The following PI4K2A variants were observed in gnomAD, a reference collection of about 807,000 sequenced individuals.
PI4K2A encodes the protein phosphatidylinositol 4-kinase type 2-alpha.
In PI4K2A, 20 loss-of-function variants were observed where a neutral mutation model predicts 55.0. The ratio of observed to expected loss-of-function variants is 0.36; its 90% CI spans 0.26 to 0.53. The LOEUF is 0.53. Among genes scored for constraint, PI4K2A ranks in the 20% least tolerant of loss-of-function variants. The pLI, the probability that PI4K2A is intolerant of heterozygous loss-of-function variation, is 0.91. For synonymous variants in PI4K2A, 235 were observed against 258.5 expected (o/e 0.91, Z 0.87); for missense variants, 463 against 637.1 (o/e 0.73, Z 2.94).
At chr10:97,670,964 C>G in intron 8 of PI4K2A, among the ~76,000 whole-genome samples, 1 of 152,022 alleles carries the variant, frequency 6.6e-6, no homozygotes, top group Admixed American at 6.5e-5. Flanking sequence ...ATGGAGAAAC[C>G]CCATCTCTAC....
chr10:97,650,436 C>T (rs536491251), intron 1 of PI4K2A, among the ~76,000 whole-genome samples: 11 of 152,110 alleles, frequency 7.2e-5, no homozygotes, highest in African/African-American at 2.7e-4. Flanking sequence ...TGTGCACCAC[C>T]GCGCCCAGCT....
chr10:97,643,471 A>G (rs777014761), intron 1 of PI4K2A, among the ~76,000 whole-genome samples: 15 of 152,296 alleles, frequency 9.8e-5, no homozygotes, highest in African/African-American at 3.4e-4. Flanking sequence ...AGATGGAAGT[A>G]ATACGATCTC....
intron 1 of PI4K2A, among the ~76,000 whole-genome samples, chr10:97,649,504 CA>C (rs1429566410): frequency 6.6e-6 from 1 of 151,212 alleles, no homozygotes. Context: ...AACCAAGTAG[CA>C]GAGTCTTTTT....
At chr10:97,661,753 C>T (rs956832679) in intron 4 of PI4K2A, among the ~76,000 whole-genome samples, 3 of 151,814 alleles carry the variant, frequency 2.0e-5, no homozygotes, top group Non-Finnish European at 2.9e-5. Flanking sequence ...GATATTTGCC[C>T]TATAGAAGTT....
intron 8 of PI4K2A, among the ~76,000 whole-genome samples, chr10:97,670,764 CTG>C (rs1323508096): frequency 3.3e-5 from 5 of 152,218 alleles, no homozygotes; most frequent in South Asian, 2.1e-4. Flanking sequence ...GGCTGTGTGT[CTG>C]TGTGATTTCA....
chr10:97,645,059 C>G (rs1182249189), intron 1 of PI4K2A, among the ~76,000 whole-genome samples: 1 of 152,140 alleles, frequency 6.6e-6, no homozygotes, highest in Non-Finnish European at 1.5e-5. Flanking sequence ...TGCTTCAGGT[C>G]TCATGCTCAC....
chr10:97,648,710 C>T (rs1021268976), intron 1 of PI4K2A, among the ~76,000 whole-genome samples: 4 of 152,064 alleles, frequency 2.6e-5, no homozygotes, highest in South Asian at 2.1e-4. Context: ...GTCCAGGGTC[C>T]GGAGGGTTAC....
intron 4 of PI4K2A, 110 bp from the exon 5 acceptor site, chr10:97,662,797 G>A (rs2041592027): frequency 1.3e-6 from 1 of 756,510 alleles, no homozygotes; most frequent in Non-Finnish European, 2.4e-6. Context: ...AGCATTTGTA[G>A]TCATTCTCAG....
At chr10:97,651,218 G>A in intron 2 of PI4K2A, 77 bp downstream of exon 2, 1 of 1,114,236 alleles carries the variant, frequency 9.0e-7, no homozygotes. Flanking sequence ...ACATGTTAGT[G>A]GGACCTTGGG....
chr10:97,659,899 C>G (rs1370094421), intron 4 of PI4K2A, among the ~76,000 whole-genome samples: 1 of 152,024 alleles, frequency 6.6e-6, no homozygotes, highest in Non-Finnish European at 1.5e-5. Flanking sequence ...AGACAGATTT[C>G]TGTTGTTTCC....
rs2041601887 is a variant in PI4K2A, at chr10:97,664,756, A to G, written c.985-129A>G. ...GATAACAACATGGAAGCCAGTTCAG[A>G]GAGTAGCTCAAGATAAGTTCAATAA... is the stretch of plus-strand genomic sequence containing the variant. On this transcript the variant is annotated intron_variant, in intron 5 of 8. Coordinates refer to ENST00000370631, the Ensembl canonical transcript of PI4K2A. 2.5e-5 allele frequency: 16 copies of G among 635,388 alleles called. No homozygotes were observed. In the South Asian group the frequency reaches 3.0e-4, roughly 12 times the overall value. The allele number at this position is 635,388 out of a possible 1,614,324, so 39.4% of individuals were successfully genotyped here.
intron 1 of PI4K2A, 68 bp from the exon 2 acceptor site, chr10:97,650,873 C>A (rs1589933105): frequency 1.8e-6 from 2 of 1,135,978 alleles, no homozygotes; most frequent in East Asian, 2.4e-5. Context: ...CAGATTCCTG[C>A]TGACTTGGTC....
intron 2 of PI4K2A, among the ~76,000 whole-genome samples, chr10:97,653,111 C>A (rs2041537263): frequency 6.6e-6 from 1 of 152,206 alleles, no homozygotes; most frequent in African/African-American, 2.4e-5. Flanking sequence ...TGAAATGCTT[C>A]TACTAGGCTC....
chr10:97,657,027 G>A (rs939357138), intron 4 of PI4K2A, 53 bp downstream of exon 4: 10 of 1,593,532 alleles, frequency 6.3e-6, no homozygotes, highest in Middle Eastern at 1.7e-4. Context: ...TTGAGGCATG[G>A]GGAGGCCTGG....
chr10:97,649,342 C>A (rs186888921), intron 1 of PI4K2A, among the ~76,000 whole-genome samples: 1 of 152,296 alleles, frequency 6.6e-6, no homozygotes, highest in East Asian at 1.9e-4. Context: ...AGAAAACACT[C>A]AGGAGGGAGG....
chr10:97,642,865 T>TC (rs1554878118), intron 1 of PI4K2A, among the ~76,000 whole-genome samples: 2 of 53,696 alleles, frequency 3.7e-5, no homozygotes, highest in African/African-American at 1.3e-4. Context: ...CTTTCTTTCT[T>TC]TTTCTTTCTT....
exon 1 of PI4K2A, chr10:97,641,151 A>G (rs2041466305): frequency 6.2e-7 from 1 of 1,606,394 alleles, no homozygotes; most frequent in South Asian, 1.1e-5. Context: ...CTCCAGCGGA[A>G]GCTACTTCGT....
exon 1 of PI4K2A, chr10:97,640,911 G>C: frequency 7.6e-7 from 1 of 1,310,008 alleles, no homozygotes; most frequent in Non-Finnish European, 9.7e-7. Context: ...CCACGACCGC[G>C]AGCGGCAGCC....
Position 97,650,871 on chromosome 10 carries a change from T to C in PI4K2A, c.436-70T>C, listed in dbSNP as rs1564773894. 18 of 1,130,628 alleles carry C rather than the reference T, an allele frequency of 1.6e-5. No individual in the cohort carries two copies. In the East Asian group the frequency reaches 4.2e-4, roughly 27 times the overall value. 70.0% of individuals were successfully genotyped at this position (1,130,628 alleles called of 1,614,324 possible). A position where few individuals can be genotyped will look rare whatever the true frequency, so the allele number is the denominator to read the frequency against. ...GCCCTGTCATTTCTTTCCAGATTCC[T>C]GCTGACTTGGTCTGTGGGCTATTTT... On this transcript the variant is annotated intron_variant, in intron 1 of 8. Transcript: ENST00000370631.
Sources: allele counts gnomAD v4.1 joint callset (sites outside exome capture counted in the v4.1 genomes callset), GRCh38; gene constraint gnomAD v4.1.1; transcripts MANE v1.5; gene names NCBI Gene and HGNC (gene_info 2026-07-23, HGNC 2026-07-21).